DMD: variants seen among roughly 807,000 people sequenced by gnomAD.
DMD encodes the protein mutant dystrophin.
DMD carries 63 observed loss-of-function variants against 330.1 expected under a neutral mutation model. That is an observed-to-expected ratio of 0.19 (90% CI 0.16 to 0.24). The LOEUF (loss-of-function observed/expected upper bound fraction) is 0.24, where lower values mean the gene tolerates loss of function less well. Among genes scored for constraint, DMD ranks in the 10% least tolerant of loss-of-function variants. The probability of loss-of-function intolerance (pLI) is 1.00; values close to 1 mark genes in which losing one functional copy is unlikely to be tolerated. For synonymous variants in DMD, 1,223 were observed against 959.8 expected, an observed-to-expected ratio of 1.27 and a Z score of -5.07; for missense variants, 3,344 against 2,684.1, an observed-to-expected ratio of 1.25 and a Z score of -5.43.
chrX:32,318,470 A>T, intron 41 of DMD, among the ~76,000 whole-genome samples: 1 of 111,670 alleles, frequency 9.0e-6, no homozygotes, highest in East Asian at 2.9e-4. Context: ...TGTCTGTTTT[A>T]GTCAAGTCAC....
At chrX:31,715,722 T>C (rs1373953047) in intron 52 of DMD, among the ~76,000 whole-genome samples, 1 of 111,279 alleles carries the variant, frequency 9.0e-6, no homozygotes, top group Non-Finnish European at 1.9e-5. Context: ...AAATCTGTTA[T>C]ATGTTTATGA....
intron 4 of DMD, among the ~76,000 whole-genome samples, chrX:32,833,526 T>C (rs1017633535): frequency 4.6e-5 from 5 of 109,729 alleles, no homozygotes; most frequent in Non-Finnish European, 7.6e-5. Context: ...CCTCAATACT[T>C]TCACAATTTA....
intron 60 of DMD, among the ~76,000 whole-genome samples, chrX:31,442,703 G>T (rs1372875326): frequency 1.8e-5 from 2 of 111,296 alleles, no homozygotes; most frequent in Admixed American, 9.6e-5. Flanking sequence ...ACTTATATGG[G>T]ACTAATGTGG....
intron 7 of DMD, among the ~76,000 whole-genome samples, chrX:32,714,460 G>C (rs781519380): frequency 9.0e-6 from 1 of 111,531 alleles, no homozygotes; most frequent in African/African-American, 3.3e-5. Context: ...TAGGATGATA[G>C]CCTCCAGTTT....
chrX:32,591,934 G>A (rs899515591), intron 13 of DMD, among the ~76,000 whole-genome samples: 10 of 112,769 alleles, frequency 8.9e-5, no homozygotes, highest in African/African-American at 2.6e-4. Flanking sequence ...AGGTGTTGTC[G>A]CAACCTGACT....
chrX:33,043,430 G>A (rs996290734), intron 1 of DMD, among the ~76,000 whole-genome samples: 6 of 111,414 alleles, frequency 5.4e-5, no homozygotes, highest in Admixed American at 1.9e-4. Flanking sequence ...CTACTGAAGT[G>A]CTCAGTATTT....
At chrX:31,658,961 T>C (rs769998653) in intron 53 of DMD, among the ~76,000 whole-genome samples, 108 of 111,981 alleles carry the variant, frequency 9.6e-4, no homozygotes, top group Middle Eastern at 9.2e-3. Context: ...ATAGGATGGG[T>C]TAAGTCATTG....
At chrX:31,556,299 G>A (rs920258470) in intron 55 of DMD, among the ~76,000 whole-genome samples, 41 of 101,613 alleles carry the variant, frequency 4.0e-4, no homozygotes, top group African/African-American at 1.4e-3. Flanking sequence ...CCCAGGAGGT[G>A]GAGCTTGCAG....
rs1160238519 is a variant in DMD, at chrX:32,406,417, G to A, written c.4233+5335C>T. On this transcript the variant is annotated intron_variant, in intron 30 of 78. Transcript: ENST00000357033. The stretch of plus-strand genomic sequence containing the variant: ...TCATAGATAGCTCTTATTATTTTGA[G>A]ATTTGTCCCATCAATACCTAATTTA... 4.5e-5 allele frequency among the ~76,000 whole-genome samples: 5 copies of A among 110,405 alleles called. No homozygotes were observed. The Admixed American group carries it at 4.8e-4, about 11-fold the overall frequency.
intron 20 of DMD, among the ~76,000 whole-genome samples, chrX:32,486,343 G>A (rs867612495): frequency 9.0e-6 from 1 of 111,704 alleles, no homozygotes; most frequent in African/African-American, 3.3e-5. Flanking sequence ...GATGAATCAG[G>A]TTAAATAAAA....
intron 47 of DMD, among the ~76,000 whole-genome samples, chrX:31,924,446 C>G (rs2094739584): frequency 1.8e-5 from 2 of 112,018 alleles, no homozygotes; most frequent in East Asian, 5.6e-4. Flanking sequence ...GTTTACTCCT[C>G]AGATACATAT....
At chrX:32,252,791 T>A (rs1420473061) in intron 43 of DMD, among the ~76,000 whole-genome samples, 2 of 54,893 alleles carry the variant, frequency 3.6e-5, no homozygotes, top group Non-Finnish European at 5.7e-5. Flanking sequence ...TAAATATATA[T>A]AAATATATAT....
intron 43 of DMD, among the ~76,000 whole-genome samples, chrX:32,235,657 T>G (rs2097185072): frequency 8.9e-6 from 1 of 111,740 alleles, no homozygotes. Context: ...CTTGTTTTAT[T>G]TTTTCAACTT....
At chrX:32,717,487 G>A (rs2065851145) in intron 7 of DMD, among the ~76,000 whole-genome samples, 1 of 112,031 alleles carries the variant, frequency 8.9e-6, no homozygotes, top group African/African-American at 3.2e-5. Context: ...CTAGATTTCA[G>A]AGAATGTGTG....
At chrX:32,284,870 G>T (rs970360393) in intron 43 of DMD, among the ~76,000 whole-genome samples, 1 of 111,907 alleles carries the variant, frequency 8.9e-6, no homozygotes, top group Non-Finnish European at 1.9e-5. Context: ...TTCAACCTCT[G>T]GATAAGGACA....
chrX:32,401,908 G>C (rs183257552), intron 30 of DMD, among the ~76,000 whole-genome samples: 1 of 112,185 alleles, frequency 8.9e-6, no homozygotes, highest in East Asian at 2.8e-4. Context: ...TTTCAAAATA[G>C]ATAAATGAGT....
chrX:32,517,723 C>T, intron 18 of DMD: 2 of 401,698 alleles, frequency 5.0e-6, no homozygotes, highest in Non-Finnish European at 8.7e-6. Context: ...TGAAAGGAAT[C>T]AACATGAATT....
chrX:32,916,778 A>G (rs1443856192), intron 2 of DMD, among the ~76,000 whole-genome samples: 1 of 111,631 alleles, frequency 9.0e-6, no homozygotes, highest in African/African-American at 3.3e-5. Flanking sequence ...AAGACAATTT[A>G]GCAAGTGTTC....
chrX:32,766,649 A>C (rs1038277196), intron 7 of DMD, among the ~76,000 whole-genome samples: 24 of 111,345 alleles, frequency 2.2e-4, no homozygotes, highest in African/African-American at 7.5e-4. Flanking sequence ...GAAGCTTATA[A>C]AATTTTTGCA....
Sources: gnomAD v4.1 joint callset for allele counts (sites outside exome capture counted in the v4.1 genomes callset) on GRCh38, gnomAD v4.1.1 for gene constraint, MANE v1.5 for transcripts, NCBI Gene and HGNC (gene_info 2026-07-23, HGNC 2026-07-21) for gene names.